Variants in CNTN3 observed in about 807,000 individuals in gnomAD.
CNTN3 encodes contactin 3, also known as contactin-3.
A neutral mutation model predicts 119.1 loss-of-function variants in CNTN3; 60 were observed. That is an observed-to-expected ratio of 0.50 (90% CI 0.41 to 0.62). The LOEUF is 0.62. Ranked by LOEUF, CNTN3 falls within the 20% of genes least tolerant of loss-of-function variation. The pLI, the probability that CNTN3 is intolerant of heterozygous loss-of-function variation, is 0.00. For synonymous variants in CNTN3, 450 were observed against 438.7 expected (o/e 1.03, Z -0.32); for missense variants, 1,101 against 1,242.4 (o/e 0.89, Z 1.71).
At chr3:74,365,480 C>A in intron 9 of CNTN3, 86 bp downstream of exon 9, 1 of 1,549,958 alleles carries the variant, frequency 6.5e-7, no homozygotes. Flanking sequence ...GGACTAGGGA[C>A]TAAAGAAAGC....
At chr3:74,560,143 G>A (rs777470408) in intron 1 of CNTN3, among the ~76,000 whole-genome samples, 13 of 152,062 alleles carry the variant, frequency 8.5e-5, no homozygotes, top group Non-Finnish European at 1.8e-4. Flanking sequence ...CACACTCACT[G>A]GCTAGATACC....
intron 4 of CNTN3, among the ~76,000 whole-genome samples, chr3:74,448,785 T>G (rs1702093850): frequency 6.6e-6 from 1 of 152,126 alleles, no homozygotes; most frequent in Non-Finnish European, 1.5e-5. Context: ...AATGGTCCAT[T>G]TCATAACTAT....
intron 1 of CNTN3, among the ~76,000 whole-genome samples, chr3:74,562,438 T>G (rs1704167037): frequency 6.6e-6 from 1 of 152,314 alleles, no homozygotes; most frequent in South Asian, 2.1e-4. Context: ...TCCTTCTGTG[T>G]TTGCCAAAGA....
chr3:74,437,071 C>A lies in CNTN3; in HGVS notation c.359-12131G>T, dbSNP rs528457795. Among the ~76,000 whole-genome samples, 10 of 152,262 alleles carry A rather than the reference C, an allele frequency of 6.6e-5. No homozygotes were observed. In the South Asian group the frequency reaches 1.9e-3, roughly 28 times the overall value. On this transcript the variant is annotated intron_variant, in intron 4 of 22. Coordinates refer to ENST00000263665, the MANE Select transcript of CNTN3 (RefSeq NM_020872.3). ...CAATTTTTCATATAACAGAGTACTG[C>A]CTCTGACTATATCAAATAAGAAAAC...
chr3:74,507,579 C>T (rs1703285548), intron 2 of CNTN3, among the ~76,000 whole-genome samples: 2 of 151,452 alleles, frequency 1.3e-5, no homozygotes, highest in African/African-American at 4.8e-5. Flanking sequence ...TGTATAAACA[C>T]CATCTACTTC....
chr3:74,345,224 T>C (rs1052137726), intron 11 of CNTN3, among the ~76,000 whole-genome samples: 1 of 152,164 alleles, frequency 6.6e-6, no homozygotes, highest in Non-Finnish European at 1.5e-5. Context: ...CAGTAACATC[T>C]CAGTCCTGAC....
rs145169441 is a variant in CNTN3 at position 74,416,844 on chromosome 3, C to T, written c.454+8001G>A. Among the ~76,000 whole-genome samples, 1,182 of 151,912 alleles carry T rather than the reference C, an allele frequency of 7.8e-3. 16 individuals are homozygous for T. Among genetic ancestry groups the T allele is most frequent in the African/African-American group, 0.027 (1,126 of 41,412 alleles). ...CTCTTTTAAAAACACAAAAATTAGC[C>T]GGGCATGGTGGCGTGTGGCTATAGT... On this transcript the variant is annotated intron_variant, in intron 5 of 22. Coordinates refer to ENST00000263665, the MANE Select transcript of CNTN3 (RefSeq NM_020872.3).
At chr3:74,471,064 A>C (rs1312863030) in intron 4 of CNTN3, among the ~76,000 whole-genome samples, 6 of 151,918 alleles carry the variant, frequency 3.9e-5, no homozygotes, top group Admixed American at 1.3e-4. Flanking sequence ...TTTAGTAGAG[A>C]TGGGGTTTCA....
chr3:74,530,326 G>A (rs1017250172), intron 1 of CNTN3, among the ~76,000 whole-genome samples: 3 of 151,928 alleles, frequency 2.0e-5, no homozygotes, highest in Non-Finnish European at 4.4e-5. Flanking sequence ...AACATTTAAA[G>A]GAGATCCTGC....
chr3:74,609,483 C>A (rs1705045211), intron 1 of CNTN3, among the ~76,000 whole-genome samples: 1 of 152,154 alleles, frequency 6.6e-6, no homozygotes, highest in Admixed American at 6.5e-5. Flanking sequence ...ACCACTGACT[C>A]CAGATGCCTT....
At chr3:74,491,539 T>G (rs1195731670) in intron 3 of CNTN3, among the ~76,000 whole-genome samples, 1 of 152,016 alleles carries the variant, frequency 6.6e-6, no homozygotes, top group Non-Finnish European at 1.5e-5. Flanking sequence ...AAAAAAAACT[T>G]GAAGGGATAC....
At chr3:74,547,378 A>G (rs1414310890) in intron 1 of CNTN3, among the ~76,000 whole-genome samples, 2 of 152,178 alleles carry the variant, frequency 1.3e-5, no homozygotes, top group Admixed American at 1.3e-4. Flanking sequence ...GGTAACACAC[A>G]TACACACACA....
chr3:74,468,705 G>A (rs936168432), intron 4 of CNTN3, among the ~76,000 whole-genome samples: 3 of 152,148 alleles, frequency 2.0e-5, no homozygotes, highest in Admixed American at 2.0e-4. Context: ...GAATGCAACT[G>A]CAGTTCGACA....
At chr3:74,569,700 C>T (rs1422284455) in intron 1 of CNTN3, among the ~76,000 whole-genome samples, 1 of 152,194 alleles carries the variant, frequency 6.6e-6, no homozygotes, top group Admixed American at 6.5e-5. Flanking sequence ...TTAAACAGCA[C>T]ACTATTTTCA....
At chr3:74,461,450 G>A (rs1291189130) in intron 4 of CNTN3, among the ~76,000 whole-genome samples, 1 of 151,936 alleles carries the variant, frequency 6.6e-6, no homozygotes, top group Non-Finnish European at 1.5e-5. Context: ...CTAGAGGCTT[G>A]ATTAGAGTCA....
At chr3:74,314,228 T>A (rs112265644) in intron 13 of CNTN3, among the ~76,000 whole-genome samples, 49 of 151,838 alleles carry the variant, frequency 3.2e-4, no homozygotes, top group African/African-American at 1.1e-3. Flanking sequence ...TGGCAGCAAG[T>A]GAGGAAGGCA....
intron 1 of CNTN3, among the ~76,000 whole-genome samples, chr3:74,568,160 A>G (rs191768302): frequency 6.6e-6 from 1 of 151,206 alleles, no homozygotes; most frequent in East Asian, 2.0e-4. Context: ...AAAAAATTAA[A>G]TGACATTTAA....
Position 74,486,625 on chromosome 3 carries a change from C to A in CNTN3, c.189G>T (p.Gln63His). ...RGNPSPHYRW[Q>H]LNGSDIDMSM... ...TCATATCAATATCACTTCCATTCAG[C>A]TGCCATCTGTAAAACAAATATCAAG... The change falls in exon 4 of 23, where the codon CAG becomes CAT. Residue 63 changes from glutamine (Q) to histidine (H), a missense_variant. By Grantham distance (24) the Gln-to-His change is conservative. Transcript: ENST00000263665. 1 of 1,541,124 alleles carries A rather than the reference C, an allele frequency of 6.5e-7. No individual in the cohort carries two copies. Among genetic ancestry groups the A allele is most frequent in the Non-Finnish European group, 8.7e-7 (1 of 1,150,554 alleles).
At chr3:74,324,668 C>T (rs1703086049) in intron 13 of CNTN3, among the ~76,000 whole-genome samples, 1 of 152,118 alleles carries the variant, frequency 6.6e-6, no homozygotes, top group African/African-American at 2.4e-5. Flanking sequence ...CCTTTACGAA[C>T]ATTGGTTCTA....
Sources: allele counts gnomAD v4.1 joint callset (sites outside exome capture counted in the v4.1 genomes callset), GRCh38; gene constraint gnomAD v4.1.1; transcripts MANE v1.5; gene names NCBI Gene and HGNC (gene_info 2026-07-23, HGNC 2026-07-21).